CDH9: variants seen among roughly 807,000 people sequenced by gnomAD.
CDH9 encodes cadherin-9.
Under a neutral mutation model 70.9 loss-of-function variants are expected in CDH9, and 28 were observed. The ratio of observed to expected loss-of-function variants is 0.40; its 90% CI spans 0.29 to 0.54. CDH9 has a LOEUF of 0.54. Ranked by LOEUF, CDH9 falls within the 20% of genes least tolerant of loss-of-function variation. The pLI is 0.59. For missense variants in CDH9, 874 were observed against 984.4 expected, an observed-to-expected ratio of 0.89 and a Z score of 1.50; for synonymous variants, 409 against 343.1, an observed-to-expected ratio of 1.19 and a Z score of -2.12.
At chr5:26,950,060 T>C (rs1415156008) in intron 2 of CDH9, among the ~76,000 whole-genome samples, 2 of 152,138 alleles carry the variant, frequency 1.3e-5, no homozygotes, top group African/African-American at 2.4e-5. Flanking sequence ...CTTTAATCAT[T>C]TTTTTCTAAT....
At chr5:26,974,733 G>A (rs1448470358) in intron 2 of CDH9, among the ~76,000 whole-genome samples, 1 of 152,028 alleles carries the variant, frequency 6.6e-6, no homozygotes, top group East Asian at 1.9e-4. Flanking sequence ...TGTACAATAT[G>A]ATGTTTTGAT....
chr5:26,888,903 G>A (rs760568693), intron 9 of CDH9, among the ~76,000 whole-genome samples: 1 of 152,120 alleles, frequency 6.6e-6, no homozygotes, highest in Non-Finnish European at 1.5e-5. Context: ...TTCTTTGTAT[G>A]CTAATTCCAT....
chr5:27,003,650 G>A (rs1050412672), intron 1 of CDH9, among the ~76,000 whole-genome samples: 7 of 151,834 alleles, frequency 4.6e-5, no homozygotes, highest in Non-Finnish European at 1.0e-4. Context: ...CCAACAAAGT[G>A]GCATTCTACA....
intron 9 of CDH9, among the ~76,000 whole-genome samples, chr5:26,888,045 T>A (rs1243989051): frequency 3.3e-5 from 5 of 152,190 alleles, no homozygotes; most frequent in Admixed American, 6.6e-5. Flanking sequence ...ATGGCAGCCC[T>A]TGGAAACTAA....
chr5:26,926,085 T>C lies in CDH9; in HGVS notation c.229-10161A>G, dbSNP rs576996748. On this transcript the variant is annotated intron_variant, in intron 2 of 11. Coordinates refer to ENST00000231021, the MANE Select transcript of CDH9 (RefSeq NM_016279.4). ...CTATTCAACGTAGTGTTGGAAGTTC[T>C]AGTCAGGGCAATCAGGCAAGATAAA... is the stretch of plus-strand genomic sequence containing the variant. 5.5e-4 allele frequency among the ~76,000 whole-genome samples: 84 copies of C among 152,284 alleles called. 1 individual carries two copies. The highest frequency in any genetic ancestry group is 2.0e-3 in the African/African-American group (82 of 41,546).
intron 2 of CDH9, among the ~76,000 whole-genome samples, chr5:26,924,436 A>G (rs1401878819): frequency 6.6e-6 from 1 of 151,684 alleles, no homozygotes; most frequent in Non-Finnish European, 1.5e-5. Context: ...GCCCAAGATC[A>G]ATGACTTCAC....
At position 26,881,595 on chromosome 5, in the gene CDH9, C is replaced by G; in HGVS notation, c.1911G>C (p.Lys637Asn). ...TCAGAGGTTCCTTTTTTCTTTGCCT[C>G]TTCAATGCAGCAAACAACACGACTA... ...LILVVLFAALKRQRKKEPLII... is the reference protein window; with the variant it reads ...LILVVLFAALNRQRKKEPLII... Residue 637 changes from lysine to asparagine, a missense_variant, in exon 12 of 12, where the codon AAG (lysine) becomes AAC (asparagine). By Grantham distance (94) the Lys-to-Asn change is moderately conservative. Coordinates refer to ENST00000231021, the MANE Select transcript of CDH9 (RefSeq NM_016279.4). The G allele has an allele frequency of 1.2e-6, 2 of 1,610,966 alleles. No homozygotes were observed. The highest frequency in any genetic ancestry group is 1.7e-6 in the Non-Finnish European group (2 of 1,178,976).
rs78296971 is a variant in CDH9, at chr5:26,975,262, G to T, written c.228+12844C>A. Among the ~76,000 whole-genome samples, 295 of 152,196 alleles carry T rather than the reference G, an allele frequency of 1.9e-3. 2 individuals carry two copies. Among genetic ancestry groups the T allele is most frequent in the African/African-American group, 6.8e-3 (282 of 41,512 alleles). On this transcript the variant is annotated intron_variant, in intron 2 of 11. Coordinates refer to ENST00000231021, the MANE Select transcript of CDH9 (RefSeq NM_016279.4). ...AGTGACTAGAAAATATTTACATACC[G>T]CCAAAGCAGATTCCAATTTGAAGGT...
intron 1 of CDH9, among the ~76,000 whole-genome samples, chr5:26,996,834 T>C (rs1022539172): frequency 2.6e-5 from 4 of 151,856 alleles, no homozygotes; most frequent in Non-Finnish European, 5.9e-5. Flanking sequence ...AAGAACTCTG[T>C]GCCCAAGTGC....
At chr5:27,025,315 T>C (rs535326168) in intron 1 of CDH9, among the ~76,000 whole-genome samples, 1 of 152,210 alleles carries the variant, frequency 6.6e-6, no homozygotes, top group South Asian at 2.1e-4. Flanking sequence ...CAATGTTTAG[T>C]AAATACATTG....
chr5:26,929,810 G>A (rs1741409422), intron 2 of CDH9, among the ~76,000 whole-genome samples: 1 of 151,998 alleles, frequency 6.6e-6, no homozygotes, highest in Admixed American at 6.6e-5. Context: ...TGTTCATGGA[G>A]ACAGAGAGTA....
chr5:27,033,803 TTGTC>T (rs1001848252), intron 1 of CDH9, among the ~76,000 whole-genome samples: 3 of 151,524 alleles, frequency 2.0e-5, no homozygotes, highest in East Asian at 1.9e-4. Context: ...AGTTGGCTGA[TTGTC>T]TGGGGAAAAC....
intron 2 of CDH9, among the ~76,000 whole-genome samples, chr5:26,931,490 A>G (rs1741461154): frequency 6.6e-6 from 1 of 152,184 alleles, no homozygotes; most frequent in Non-Finnish European, 1.5e-5. Context: ...TCTAGTCTCA[A>G]ATAAACATTG....
intron 2 of CDH9, among the ~76,000 whole-genome samples, chr5:26,917,101 C>T (rs532976235): frequency 2.6e-4 from 40 of 151,924 alleles, no homozygotes; most frequent in Middle Eastern, 3.4e-3. Flanking sequence ...AATCCTAACA[C>T]GATTCTGAAA....
rs1487464701 is a variant in CDH9, at chr5:26,977,483, G to GTATATA, written c.228+10622_228+10623insTATATA. Among the ~76,000 whole-genome samples, 6 of 141,466 alleles carry GTATATA rather than the reference G, an allele frequency of 4.2e-5. No homozygotes were observed. In the East Asian group the frequency reaches 1.2e-3, roughly 28 times the overall value. 92.8% of individuals were successfully genotyped at this position (141,466 alleles called of 152,430 possible). ...GATATATATGTGTGCGTGTGTGTGT[G>GTATATA]TGTATATATATATATATATATATAT... is the stretch of plus-strand genomic sequence containing the variant. On this transcript the variant is annotated intron_variant, in intron 2 of 11. Coordinates refer to ENST00000231021, the MANE Select transcript of CDH9 (RefSeq NM_016279.4).
At chr5:26,969,584 C>T (rs1003218968) in intron 2 of CDH9, among the ~76,000 whole-genome samples, 5 of 151,854 alleles carry the variant, frequency 3.3e-5, no homozygotes, top group African/African-American at 7.2e-5. Context: ...TTATGTTTTC[C>T]TTTGTTAATA....
At chr5:26,905,522 C>A (rs773795879) in intron 5 of CDH9, among the ~76,000 whole-genome samples, 1 of 152,002 alleles carries the variant, frequency 6.6e-6, no homozygotes, top group Admixed American at 6.6e-5. Context: ...TATAAGTCTG[C>A]GTGTAAAACA....
chr5:26,979,836 A>G lies in CDH9; in HGVS notation c.228+8270T>C, dbSNP rs796125014. Among the ~76,000 whole-genome samples, 15 of 151,992 alleles carry G rather than the reference A, an allele frequency of 9.9e-5. 1 individual carries two copies. Among genetic ancestry groups the G allele is most frequent in the African/African-American group, 3.6e-4 (15 of 41,566 alleles). Reference sequence around the variant, plus strand: ...AATGATGAAATATTTAATCAGAAATATAAAGAAAGATCATTAGATATGTAC... The same window carrying G: ...AATGATGAAATATTTAATCAGAAATGTAAAGAAAGATCATTAGATATGTAC... On this transcript the variant is annotated intron_variant, in intron 2 of 11. Coordinates refer to ENST00000231021, the MANE Select transcript of CDH9 (RefSeq NM_016279.4).
chr5:26,900,460 A>C (rs945019216), intron 7 of CDH9, among the ~76,000 whole-genome samples: 4 of 152,086 alleles, frequency 2.6e-5, no homozygotes, highest in African/African-American at 9.7e-5. Context: ...TTACAAAATA[A>C]ATAGCCTTGG....
Sources: allele counts gnomAD v4.1 joint callset (sites outside exome capture counted in the v4.1 genomes callset), GRCh38; gene constraint gnomAD v4.1.1; transcripts MANE v1.5; gene names NCBI Gene and HGNC (gene_info 2026-07-23, HGNC 2026-07-21).